Variants in FGD4 observed in about 807,000 individuals in gnomAD.
FGD4 encodes the protein FYVE, RhoGEF and PH domain-containing protein 4.
A neutral mutation model predicts 102.0 loss-of-function variants in FGD4; 42 were observed. The observed-to-expected ratio is 0.41, with a 90% CI of 0.32 to 0.53. FGD4 has a LOEUF of 0.53. Among genes scored for constraint, FGD4 ranks in the 20% least tolerant of loss-of-function variants. FGD4 has a pLI of 0.21. For synonymous variants in FGD4, 380 were observed against 375.7 expected, an observed-to-expected ratio of 1.01 and a Z score of -0.13; for missense variants, 902 against 1,078.2, an observed-to-expected ratio of 0.84 and a Z score of 2.29.
At chr12:32,571,360 C>T (rs990379571) in intron 2 of FGD4, among the ~76,000 whole-genome samples, 1 of 151,682 alleles carries the variant, frequency 6.6e-6, no homozygotes, top group African/African-American at 2.4e-5. Flanking sequence ...GAGGCTGAGG[C>T]ACAAGAATCA....
chr12:32,469,122 G>A (rs576179351), intron 1 of FGD4, among the ~76,000 whole-genome samples: 25 of 152,022 alleles, frequency 1.6e-4, no homozygotes, highest in African/African-American at 1.4e-4. Flanking sequence ...CATTGCGCCC[G>A]GCCTATTCTG....
chr12:32,624,819 T>A, intron 12 of FGD4, 157 bp from the exon 13 acceptor site: 1 of 695,266 alleles, frequency 1.4e-6, no homozygotes, highest in South Asian at 1.6e-5. Flanking sequence ...TATACAAATG[T>A]GCATATATTG....
chr12:32,453,191 A>T (rs1942833040), intron 1 of FGD4, among the ~76,000 whole-genome samples: 1 of 38,856 alleles, frequency 2.6e-5, no homozygotes, highest in Admixed American at 2.6e-4. Flanking sequence ...TATATATTTT[A>T]TATATATATT....
At chr12:32,465,011 G>T (rs937032972) in intron 1 of FGD4, among the ~76,000 whole-genome samples, 1 of 152,126 alleles carries the variant, frequency 6.6e-6, no homozygotes, top group Non-Finnish European at 1.5e-5. Flanking sequence ...AGGGATTAAA[G>T]CCAGAGAAGA....
intron 1 of FGD4, among the ~76,000 whole-genome samples, chr12:32,518,836 C>T (rs1211373761): frequency 1.3e-4 from 20 of 151,422 alleles, no homozygotes; most frequent in African/African-American, 2.7e-4. Context: ...AAACAAGGGC[C>T]AGGCACGGCA....
At chr12:32,491,073 A>G (rs914520430) in intron 1 of FGD4, among the ~76,000 whole-genome samples, 1 of 149,262 alleles carries the variant, frequency 6.7e-6, no homozygotes, top group Admixed American at 6.9e-5. Flanking sequence ...ACTCTTTTCA[A>G]TGACTTTTGG....
At chr12:32,611,312 T>C (rs953971507) in intron 10 of FGD4, 29 bp downstream of exon 10, 2 of 1,613,240 alleles carry the variant, frequency 1.2e-6, no homozygotes, top group Admixed American at 1.7e-5. Context: ...GCAAGTCATA[T>C]AAGAATTATA....
chr12:32,448,275 G>A (rs1942677884), intron 1 of FGD4, among the ~76,000 whole-genome samples: 1 of 152,164 alleles, frequency 6.6e-6, no homozygotes, highest in Non-Finnish European at 1.5e-5. Context: ...ATGGATAGAT[G>A]TAGAAAGTAC....
At chr12:32,589,741 C>T (rs931451082) in intron 4 of FGD4, among the ~76,000 whole-genome samples, 2 of 152,092 alleles carry the variant, frequency 1.3e-5, no homozygotes, top group Non-Finnish European at 2.9e-5. Context: ...CCCCATGTCA[C>T]GAAAGAACGT....
rs777429838 is a variant in FGD4, at chr12:32,599,494, CA to C, written c.1101+922del. On this transcript the variant is annotated intron_variant, in intron 5 of 16. Coordinates refer to ENST00000534526, the MANE Select transcript of FGD4 (RefSeq NM_001370298.3). ...TGGGTGACAGAGCGAGACTCCGTCTCAAAAAAAAAAAAAAGAATAACTTTTG... is the reference window on the plus strand; with the variant it reads ...TGGGTGACAGAGCGAGACTCCGTCTCAAAAAAAAAAAAAGAATAACTTTTG... Among the ~76,000 whole-genome samples, 48 of 19,700 alleles carry C rather than the reference CA, an allele frequency of 2.4e-3. 3 individuals are homozygous for C. The highest frequency in any genetic ancestry group is 5.4e-3 in the East Asian group (5 of 928). 12.9% of individuals were successfully genotyped at this position (19,700 alleles called of 152,430 possible). A position where few individuals can be genotyped will look rare whatever the true frequency, so the allele number is the denominator to read the frequency against.
chr12:32,492,648 A>G (rs895669172), intron 1 of FGD4, among the ~76,000 whole-genome samples: 1 of 152,216 alleles, frequency 6.6e-6, no homozygotes, highest in Non-Finnish European at 1.5e-5. Flanking sequence ...CTTTATAAAC[A>G]TAATATATTT....
At chr12:32,520,424 GGTTTTTTTGTTTTTT>G (rs1565796360) in intron 1 of FGD4, among the ~76,000 whole-genome samples, 2 of 114,686 alleles carry the variant, frequency 1.7e-5, no homozygotes, top group Non-Finnish European at 2.0e-5. Flanking sequence ...TTCTATTGTG[GGTTTTTTTGTTTTTT>G]GTTTTTTTTT....
In FGD4 at chr12:32,582,002, G is replaced by A. The variant is rs148304644; in HGVS notation, c.546G>A (p.Val182=). ...GTGATTTGAAGAAAGAGTCTGCTGT[G>A]AACCTAAATGCTCCTAGAACCCCAG... The part of the protein sequence containing the change: ...NYSDLKKESA[V]NLNAPRTPGR... The change falls in exon 4 of 17, where the codon GTG becomes GTA. Residue 182 remains valine, a synonymous_variant. Coordinates refer to ENST00000534526, the MANE Select transcript of FGD4 (RefSeq NM_001370298.3). 5.0e-6 allele frequency: 8 copies of A among 1,614,016 alleles called. No individual in the cohort carries two copies. The African/African-American group carries it at 9.3e-5, about 19-fold the overall frequency.
At chr12:32,473,371 C>T (rs930829748) in intron 1 of FGD4, among the ~76,000 whole-genome samples, 1 of 152,102 alleles carries the variant, frequency 6.6e-6, no homozygotes, top group Non-Finnish European at 1.5e-5. Context: ...CGAAGATCTG[C>T]AGCTTCACTC....
intron 1 of FGD4, among the ~76,000 whole-genome samples, chr12:32,552,192 G>A (rs1054140566): frequency 3.9e-5 from 6 of 152,136 alleles, no homozygotes; most frequent in African/African-American, 1.2e-4. Context: ...TTCCACTCTG[G>A]TCATCCCTGT....
intron 1 of FGD4, among the ~76,000 whole-genome samples, chr12:32,527,720 C>T (rs1941398256): frequency 6.6e-6 from 1 of 151,972 alleles, no homozygotes; most frequent in African/African-American, 2.4e-5. Flanking sequence ...TGAGCCACTG[C>T]GCCCAGCCTA....
intron 10 of FGD4, among the ~76,000 whole-genome samples, chr12:32,612,794 T>TAAAAAA (rs1949228959): frequency 6.6e-6 from 1 of 152,120 alleles, no homozygotes; most frequent in Non-Finnish European, 1.5e-5. Flanking sequence ...GAAAAGTACA[T>TAAAAAA]GAGTTCTCTA....
chr12:32,399,593 G>A lies in FGD4; in HGVS notation c.-201G>A. On this transcript the variant is annotated 5_prime_UTR_variant, in exon 1 of 17. Coordinates refer to ENST00000534526, the MANE Select transcript of FGD4 (RefSeq NM_001370298.3). ...AGACGCTGCGACTGCCGCAGGAGTCGCCGCAGCCAAACTCGCCGCGACGCC... is the reference window on the plus strand; with the variant it reads ...AGACGCTGCGACTGCCGCAGGAGTCACCGCAGCCAAACTCGCCGCGACGCC... 2 of 1,335,148 alleles carry A rather than the reference G, an allele frequency of 1.5e-6. No homozygotes were observed. The highest frequency in any genetic ancestry group is 1.9e-6 in the Non-Finnish European group (2 of 1,025,712). The allele number at this position is 1,335,148 out of a possible 1,614,324, so 82.7% of individuals were successfully genotyped here. A position where few individuals can be genotyped will look rare whatever the true frequency, so the allele number is the denominator to read the frequency against.
chr12:32,539,420 T>C (rs545755792), intron 1 of FGD4, among the ~76,000 whole-genome samples: 2 of 152,164 alleles, frequency 1.3e-5, no homozygotes, highest in South Asian at 4.1e-4. Flanking sequence ...AAATATCAAA[T>C]TAGCTGGGCG....
Sources: allele counts gnomAD v4.1 joint callset (sites outside exome capture counted in the v4.1 genomes callset), GRCh38; gene constraint gnomAD v4.1.1; transcripts MANE v1.5; gene names NCBI Gene and HGNC (gene_info 2026-07-23, HGNC 2026-07-21).